CHD9: variants seen among roughly 807,000 people sequenced by gnomAD.
CHD9 encodes chromodomain helicase DNA binding protein 9.
CHD9 carries 77 observed loss-of-function variants against 316.1 expected under a neutral mutation model. The ratio of observed to expected loss-of-function variants is 0.24; its 90% confidence interval spans 0.20 to 0.29. The LOEUF (loss-of-function observed/expected upper bound fraction) is 0.29, where lower values mean the gene tolerates loss of function less well. Among genes scored for constraint, CHD9 ranks in the 10% least tolerant of loss-of-function variants. The probability of loss-of-function intolerance (pLI) is 1.00; values close to 1 mark genes in which losing one functional copy is unlikely to be tolerated. For missense variants in CHD9, 2,763 were observed against 3,438.1 expected (o/e 0.80, Z 4.91); for synonymous variants, 1,129 against 1,158.3 (o/e 0.97, Z 0.51).
At chr16:53,224,445 CTT>C (rs1035466895) in intron 4 of CHD9, among the ~76,000 whole-genome samples, 2 of 152,102 alleles carry the variant, frequency 1.3e-5, no homozygotes, top group African/African-American at 4.8e-5. Context: ...AATTCATAGA[CTT>C]TTAAATTAAT....
intron 2 of CHD9, among the ~76,000 whole-genome samples, chr16:53,173,657 G>T (rs149461022): frequency 0.011 from 1,716 of 151,882 alleles, 15 homozygotes; most frequent in Middle Eastern, 0.017. Context: ...CCATTCTCCT[G>T]CCTCAGCCTC....
At chr16:53,242,300 C>A (rs1597601162) in intron 12 of CHD9, among the ~76,000 whole-genome samples, 1 of 152,108 alleles carries the variant, frequency 6.6e-6, no homozygotes, top group Non-Finnish European at 1.5e-5. Flanking sequence ...ATAACTATGT[C>A]CTGCATTTGA....
chr16:53,290,735 G>A (rs563824744), intron 27 of CHD9, among the ~76,000 whole-genome samples: 27 of 152,086 alleles, frequency 1.8e-4, no homozygotes, highest in East Asian at 3.9e-4. Flanking sequence ...GTGTGTTCAC[G>A]CCACTGCACT....
rs529115122 is a variant in CHD9 at position 53,264,954 on chromosome 16, C to G, written c.4320+1857C>G. ...CAGGGCTTTGTAGATTATTTTAAGG[C>G]GTTAAGGATTTTGTAAATAAACTTA... On this transcript the variant is annotated intron_variant, in intron 20 of 38. Transcript: ENST00000447540. Among the ~76,000 whole-genome samples, 5 of 152,064 alleles carry G rather than the reference C, an allele frequency of 3.3e-5. No homozygotes were observed. In the South Asian group the frequency reaches 1.0e-3, roughly 32 times the overall value.
At chr16:53,316,471 C>T (rs1209401207) in intron 36 of CHD9, among the ~76,000 whole-genome samples, 1 of 152,090 alleles carries the variant, frequency 6.6e-6, no homozygotes. Context: ...ACTTTTTAAA[C>T]TTGTATATCC....
intron 1 of CHD9, among the ~76,000 whole-genome samples, chr16:53,118,920 G>C (rs368418955): frequency 6.6e-6 from 1 of 151,444 alleles, no homozygotes; most frequent in African/African-American, 2.4e-5. Flanking sequence ...ACCCTCCCGC[G>C]TAGCTGGGAT....
At chr16:53,323,679 G>C (rs917481932) in intron 38 of CHD9, among the ~76,000 whole-genome samples, 2 of 152,140 alleles carry the variant, frequency 1.3e-5, no homozygotes, top group African/African-American at 4.8e-5. Context: ...TAGGACAAGT[G>C]ATGGTGTGAA....
chr16:53,321,454 G>A, intron 37 of CHD9, 72 bp from the exon 38 acceptor site: 1 of 1,445,680 alleles, frequency 6.9e-7, no homozygotes, highest in Admixed American at 2.4e-5. Context: ...ACTCTGTAGA[G>A]CATACAATAA....
intron 2 of CHD9, among the ~76,000 whole-genome samples, chr16:53,175,317 T>A (rs2043028777): frequency 1.3e-5 from 2 of 152,242 alleles, no homozygotes; most frequent in South Asian, 4.1e-4. Context: ...TCAGGGAGCC[T>A]GCCAGATTTT....
At chr16:53,231,047 G>T (rs751018194) in intron 8 of CHD9, among the ~76,000 whole-genome samples, 7 of 152,142 alleles carry the variant, frequency 4.6e-5, no homozygotes, top group Non-Finnish European at 1.0e-4. Flanking sequence ...TTGAGCACAA[G>T]AACCATCAGG....
chr16:53,235,636 C>T (rs1049063830), intron 11 of CHD9, among the ~76,000 whole-genome samples: 1 of 151,954 alleles, frequency 6.6e-6, no homozygotes, highest in Non-Finnish European at 1.5e-5. Context: ...ACAATCAGTT[C>T]GAGTTAGTGA....
At chr16:53,318,963 G>A (rs191136978) in intron 37 of CHD9, among the ~76,000 whole-genome samples, 31 of 152,328 alleles carry the variant, frequency 2.0e-4, no homozygotes, top group South Asian at 1.2e-3. Context: ...AAACTAGAAT[G>A]TCTTGAAGTT....
At chr16:53,155,528 C>T (rs1384094291) in intron 1 of CHD9, among the ~76,000 whole-genome samples, 1 of 152,090 alleles carries the variant, frequency 6.6e-6, no homozygotes, top group Non-Finnish European at 1.5e-5. Flanking sequence ...CTTAAAGTAG[C>T]TTTATTGAGA....
At chr16:53,165,062 T>G (rs2042181650) in intron 2 of CHD9, among the ~76,000 whole-genome samples, 1 of 152,146 alleles carries the variant, frequency 6.6e-6, no homozygotes, top group Non-Finnish European at 1.5e-5. Context: ...TAGAGGTCAT[T>G]ATTAGGCCGT....
At chr16:53,134,065 CAGAG>C (rs1038658036) in intron 1 of CHD9, among the ~76,000 whole-genome samples, 1 of 152,018 alleles carries the variant, frequency 6.6e-6, no homozygotes, top group Non-Finnish European at 1.5e-5. Flanking sequence ...CCGTAAATAA[CAGAG>C]AAGAAAAATG....
At chr16:53,249,132 A>G (rs2049921737) in intron 16 of CHD9, among the ~76,000 whole-genome samples, 1 of 152,122 alleles carries the variant, frequency 6.6e-6, no homozygotes, top group African/African-American at 2.4e-5. Flanking sequence ...AATTTCATGG[A>G]AAATTCAGAG....
chr16:53,081,566 C>A (rs561026108), intron 1 of CHD9, among the ~76,000 whole-genome samples: 2 of 152,248 alleles, frequency 1.3e-5, no homozygotes, highest in East Asian at 3.9e-4. Context: ...CAAGCACAAT[C>A]CTGCCAACAG....
At chr16:53,189,869 A>C (rs142695921) in intron 2 of CHD9, among the ~76,000 whole-genome samples, 1 of 152,188 alleles carries the variant, frequency 6.6e-6, no homozygotes, top group African/African-American at 2.4e-5. Flanking sequence ...AATAGACGGA[A>C]AGCTAATGTT....
intron 1 of CHD9, among the ~76,000 whole-genome samples, chr16:53,075,461 C>A (rs951732802): frequency 1.3e-5 from 2 of 152,292 alleles, no homozygotes; most frequent in African/African-American, 4.8e-5. Context: ...TCTGTACCCC[C>A]ACCCGAATTT....
Sources: gnomAD v4.1 joint callset for allele counts (sites outside exome capture counted in the v4.1 genomes callset) on GRCh38, gnomAD v4.1.1 for gene constraint, MANE v1.5 for transcripts, NCBI Gene and HGNC (gene_info 2026-07-23, HGNC 2026-07-21) for gene names.